The following AIG1 variants were observed in gnomAD, a reference collection of about 807,000 sequenced individuals.
AIG1 encodes the protein androgen induced 1, also known as androgen-induced gene 1 protein.
Under a neutral mutation model 31.4 loss-of-function variants are expected in AIG1, and 23 were observed. The observed-to-expected ratio is 0.73, with a 90% CI of 0.53 to 1.04. The LOEUF is 1.04. Among genes scored for constraint, AIG1 ranks in the 50% least tolerant of loss-of-function variants. The probability of loss-of-function intolerance (pLI) is 0.00; values close to 1 mark genes in which losing one functional copy is unlikely to be tolerated. For synonymous variants in AIG1, 100 were observed against 110.5 expected, an observed-to-expected ratio of 0.90 and a Z score of 0.60; for missense variants, 274 against 295.0, an observed-to-expected ratio of 0.93 and a Z score of 0.52.
intron 4 of AIG1, among the ~76,000 whole-genome samples, chr6:143,295,306 C>T (rs1239229827): frequency 6.6e-6 from 1 of 152,164 alleles, no homozygotes; most frequent in Non-Finnish European, 1.5e-5. Flanking sequence ...AACTGTCTAT[C>T]CAAAGGATCC....
chr6:143,138,433 G>A (rs1279310181), intron 2 of AIG1, among the ~76,000 whole-genome samples: 1 of 152,124 alleles, frequency 6.6e-6, no homozygotes, highest in African/African-American at 2.4e-5. Context: ...CAGTCTCTCT[G>A]TGTGTACATG....
chr6:143,159,612 G>T (rs1469083113), intron 2 of AIG1, among the ~76,000 whole-genome samples: 1 of 152,190 alleles, frequency 6.6e-6, no homozygotes, highest in East Asian at 1.9e-4. Flanking sequence ...CCTAGAAACT[G>T]ATTGTCCTCT....
chr6:143,272,169 A>T (rs1796569787), intron 3 of AIG1, among the ~76,000 whole-genome samples: 1 of 152,174 alleles, frequency 6.6e-6, no homozygotes, highest in Admixed American at 6.5e-5. Context: ...GAGTGCCATC[A>T]TGTAGGTATG....
chr6:143,144,258 C>T (rs534938788), intron 2 of AIG1, among the ~76,000 whole-genome samples: 1 of 152,262 alleles, frequency 6.6e-6, no homozygotes, highest in Non-Finnish European at 1.5e-5. Flanking sequence ...GACAGAAGTT[C>T]TTGTTAAATC....
intron 3 of AIG1, among the ~76,000 whole-genome samples, chr6:143,208,485 C>G (rs1055042100): frequency 6.6e-6 from 1 of 152,088 alleles, no homozygotes; most frequent in Non-Finnish European, 1.5e-5. Flanking sequence ...GTTATATAAT[C>G]AGGGGCAGGA....
intron 3 of AIG1, among the ~76,000 whole-genome samples, chr6:143,180,234 A>G (rs1033387510): frequency 2.6e-5 from 4 of 152,262 alleles, no homozygotes; most frequent in Admixed American, 6.5e-5. Context: ...TTGTAAATCT[A>G]TGATCTGCAA....
At chr6:143,277,001 T>G (rs1185373268) in intron 3 of AIG1, among the ~76,000 whole-genome samples, 1 of 152,194 alleles carries the variant, frequency 6.6e-6, no homozygotes, top group East Asian at 1.9e-4. Flanking sequence ...TTTCCTGTAT[T>G]CTTCGAACAT....
intron 2 of AIG1, among the ~76,000 whole-genome samples, chr6:143,143,528 A>AAAAAT (rs1554249782): frequency 1.8e-4 from 5 of 27,792 alleles, no homozygotes; most frequent in African/African-American, 3.8e-4. Context: ...AAAAAAAAAA[A>AAAAAT]ATATATATAT....
chr6:143,229,583 T>A (rs1367884814), intron 3 of AIG1, among the ~76,000 whole-genome samples: 1 of 152,216 alleles, frequency 6.6e-6, no homozygotes, highest in Non-Finnish European at 1.5e-5. Context: ...GAGACTGCTA[T>A]GATGTCATTG....
chr6:143,194,832 G>T (rs537713526), intron 3 of AIG1, among the ~76,000 whole-genome samples: 2 of 152,282 alleles, frequency 1.3e-5, no homozygotes, highest in South Asian at 4.1e-4. Context: ...GGGCACATCT[G>T]CAGCTCTCTA....
chr6:143,080,337 G>A (rs906281915), intron 1 of AIG1, among the ~76,000 whole-genome samples: 2 of 152,098 alleles, frequency 1.3e-5, no homozygotes, highest in Admixed American at 1.3e-4. Context: ...ACTGCATCTG[G>A]GGCTCCATTT....
Position 143,279,593 on chromosome 6 carries a change from C to G in AIG1, c.400-4517C>G, listed in dbSNP as rs574037647. ...AGGACTGCTCTGTGTGGAGGTGACA[C>G]CCCCTTGTGGATCTCTTCTGCAAAT... On this transcript the variant is annotated intron_variant, in intron 3 of 5. Transcript: ENST00000357847. The surrounding 1 kb of genome is among the most constrained non-coding windows in gnomAD (Gnocchi z 5.4). Among the ~76,000 whole-genome samples, 8 of 152,272 alleles carry G rather than the reference C, an allele frequency of 5.3e-5. No homozygotes were observed. The South Asian group carries it at 1.7e-3, about 32-fold the overall frequency.
chr6:143,116,693 G>A (rs1465704798), intron 1 of AIG1, among the ~76,000 whole-genome samples: 1 of 149,540 alleles, frequency 6.7e-6, no homozygotes, highest in East Asian at 1.9e-4. Context: ...CACACGAGAT[G>A]GGGTTTTATT....
chr6:143,090,256 T>C (rs2128475250), intron 1 of AIG1, among the ~76,000 whole-genome samples: 1 of 152,196 alleles, frequency 6.6e-6, no homozygotes, highest in African/African-American at 2.4e-5. Flanking sequence ...ATCTGAAAAT[T>C]GGGTTTGATA....
intron 3 of AIG1, among the ~76,000 whole-genome samples, chr6:143,242,801 A>G (rs1161612833): frequency 6.6e-6 from 1 of 152,160 alleles, no homozygotes; most frequent in African/African-American, 2.4e-5. Flanking sequence ...AAACACTTCC[A>G]TTTTTTACAA....
At position 143,155,392 on chromosome 6, in the gene AIG1, G is replaced by T. The variant is rs141030431; in HGVS notation, c.298-9690G>T. On this transcript the variant is annotated intron_variant, in intron 2 of 5. Transcript: ENST00000357847. The stretch of plus-strand genomic sequence containing the variant: ...CAGCTCAGGAGAGGCTTCTTCTTGT[G>T]GGGGGGATATCTAAGCTCCCATTTC... 2.3e-4 allele frequency among the ~76,000 whole-genome samples: 35 copies of T among 152,152 alleles called. No individual in the cohort carries two copies. In the South Asian group the frequency reaches 4.6e-3, roughly 20 times the overall value.
At chr6:143,252,065 C>T (rs562572104) in intron 3 of AIG1, among the ~76,000 whole-genome samples, 2 of 152,300 alleles carry the variant, frequency 1.3e-5, no homozygotes, top group South Asian at 4.1e-4. Context: ...TTCTGCCAGA[C>T]TTGAGGGTGG....
chr6:143,166,948 A>G (rs1443364344), intron 3 of AIG1, among the ~76,000 whole-genome samples: 4 of 152,200 alleles, frequency 2.6e-5, no homozygotes, highest in African/African-American at 9.6e-5. Context: ...CAAGCAAAAC[A>G]TTAATTGATT....
At chr6:143,287,737 TAAAAAAAAAAA>T (rs59551903) in intron 4 of AIG1, among the ~76,000 whole-genome samples, 9 of 78,044 alleles carry the variant, frequency 1.2e-4, no homozygotes, top group Middle Eastern at 7.8e-3. Flanking sequence ...CTGACTACAG[TAAAAAAAAAAA>T]AAAAAAAAAA....
Sources: gnomAD v4.1 joint callset for allele counts (sites outside exome capture counted in the v4.1 genomes callset) on GRCh38, gnomAD v4.1.1 for gene constraint, Gnocchi (gnomAD v3.1) non-coding constraint, MANE v1.5 for transcripts, NCBI Gene and HGNC (gene_info 2026-07-23, HGNC 2026-07-21) for gene names.